Variants in PUM2 observed in about 807,000 individuals in gnomAD.
PUM2 encodes pumilio RNA binding family member 2, also known as pumilio homolog 2.
Under a neutral mutation model 124.5 loss-of-function variants are expected in PUM2, and 57 were observed. The ratio of observed to expected loss-of-function variants is 0.46; its 90% CI spans 0.37 to 0.57. The LOEUF (loss-of-function observed/expected upper bound fraction) is 0.57. Ranked by LOEUF, PUM2 falls within the 20% of genes least tolerant of loss-of-function variation. PUM2 has a pLI of 0.00. For synonymous variants in PUM2, 460 were observed against 446.1 expected (o/e 1.03, Z -0.39); for missense variants, 1,065 against 1,290.6 (o/e 0.83, Z 2.68).
intron 2 of PUM2, among the ~76,000 whole-genome samples, chr2:20,319,289 C>G (rs540263796): frequency 6.6e-6 from 1 of 152,196 alleles, no homozygotes; most frequent in Non-Finnish European, 1.5e-5. Context: ...TTGGACAATT[C>G]TTATTCTTTA....
chr2:20,293,586 T>A (rs1674758893), intron 9 of PUM2, among the ~76,000 whole-genome samples: 1 of 152,126 alleles, frequency 6.6e-6, no homozygotes, highest in Non-Finnish European at 1.5e-5. Flanking sequence ...GGTGCACACC[T>A]GTAATCCCAG....
chr2:20,288,089 T>C (rs1307111548), intron 10 of PUM2, among the ~76,000 whole-genome samples: 2 of 152,200 alleles, frequency 1.3e-5, no homozygotes, highest in Admixed American at 1.3e-4. Context: ...TCTCCACTTT[T>C]CCTATCTGAA....
intron 3 of PUM2, 116 bp downstream of exon 3, chr2:20,318,421 G>A (rs767058893): frequency 3.7e-5 from 31 of 837,224 alleles, no homozygotes; most frequent in Non-Finnish European, 4.6e-5. Context: ...GGGCAATAGC[G>A]CAAAACTATA....
chr2:20,274,975 G>A (rs200809134), intron 13 of PUM2, among the ~76,000 whole-genome samples: 1,332 of 8,394 alleles, frequency 0.16, 6 homozygotes, highest in Non-Finnish European at 0.22. Flanking sequence ...AAAAAAAAAA[G>A]ATGCTTACTT....
At chr2:20,313,113 A>T (rs533652071) in intron 3 of PUM2, among the ~76,000 whole-genome samples, 2 of 152,370 alleles carry the variant, frequency 1.3e-5, no homozygotes, top group East Asian at 3.9e-4. Context: ...TAAAAACCCT[A>T]GAAGGAAACC....
In PUM2 at chr2:20,251,121, C is replaced by T. The variant is rs1310725368; in HGVS notation, c.*464G>A. On this transcript the variant is annotated 3_prime_UTR_variant, in exon 21 of 21. Transcript: ENST00000361078. ...ATTGTTAATCTGTTATAAAAGGTTT[C>T]ACGCAAAGGAAAAAAATAAGGACTA... is the stretch of plus-strand genomic sequence containing the variant. 6.6e-6 allele frequency: 1 copy of T among 152,562 alleles called. No homozygotes were observed. The highest frequency in any genetic ancestry group is 1.9e-4 in the East Asian group (1 of 5,204). The allele number at this position is 152,562 out of a possible 1,614,324, so 9.5% of individuals were successfully genotyped here.
At chr2:20,347,301 T>C (rs1688428478) in intron 1 of PUM2, among the ~76,000 whole-genome samples, 1 of 152,220 alleles carries the variant, frequency 6.6e-6, no homozygotes, top group Admixed American at 6.5e-5. Flanking sequence ...AATAAAACTT[T>C]TAATATTTGT....
intron 1 of PUM2, among the ~76,000 whole-genome samples, chr2:20,341,681 G>A (rs1160682329): frequency 2.0e-5 from 3 of 152,258 alleles, no homozygotes; most frequent in South Asian, 4.1e-4. Context: ...AACTATCAAA[G>A]TACAAAAGTT....
intron 7 of PUM2, among the ~76,000 whole-genome samples, chr2:20,304,046 C>T (rs1334206247): frequency 6.6e-6 from 1 of 152,228 alleles, no homozygotes; most frequent in East Asian, 1.9e-4. Context: ...TTCTCTTGCA[C>T]TCACTTGTTC....
At chr2:20,313,052 CA>C (rs1680024713) in intron 3 of PUM2, among the ~76,000 whole-genome samples, 1 of 152,158 alleles carries the variant, frequency 6.6e-6, no homozygotes, top group African/African-American at 2.4e-5. Flanking sequence ...ATACCTTATA[CA>C]AAAATTAACT....
chr2:20,263,409 T>G lies in PUM2; in HGVS notation c.2009A>C (p.Glu670Ala), dbSNP rs765802518. 6.2e-7 allele frequency: 1 copy of G among 1,614,136 alleles called. No individual in the cohort carries two copies. Among genetic ancestry groups the G allele is most frequent in the Non-Finnish European group, 8.5e-7 (1 of 1,179,952 alleles). The change falls in exon 14 of 21, where the codon GAA (glutamate) becomes GCA (alanine). Residue 670 changes from glutamate to alanine, a missense_variant. Glu to Ala is a moderately radical substitution (Grantham distance 107). Transcript: ENST00000361078. ...GCTTGAAGCACTTCGATATTTTGCT[T>G]CTGCTCCAGGTGCTGCAGAGATATA... Reference protein sequence around the residue: ...GRYISAAPGAEAKYRSASSTS... With the variant: ...GRYISAAPGAAAKYRSASSTS...
rs35439873 is a variant in PUM2, at chr2:20,278,570, G to GTT, written c.1957+11_1957+12dup. On this transcript the variant is annotated intron_variant, in intron 13 of 20. Coordinates refer to ENST00000361078, the MANE Select transcript of PUM2 (RefSeq NM_015317.5). ...ATACATACAAATAAAAAGGGTTTTG[G>GTT]TTTTTTTTTTACCTAAATGCAAACT... 8.9e-6 allele frequency: 12 copies of GTT among 1,352,470 alleles called. No individual in the cohort carries two copies. Among genetic ancestry groups the GTT allele is most frequent in the Admixed American group, 5.8e-5 (3 of 51,936 alleles). The allele number at this position is 1,352,470 out of a possible 1,614,324, so 83.8% of individuals were successfully genotyped here.
In PUM2 at chr2:20,297,565, C is replaced by G. The variant is rs771620058; in HGVS notation, c.997G>C (p.Ala333Pro). ...AATAGTATGTTACCTGCTAATGTAG[C>G]TGCTGCAGCCAATCCTGCTGCAGTA... ...PYTAAGLAAAATLAGPAVVPP... is the reference protein window; with the variant it reads ...PYTAAGLAAAPTLAGPAVVPP... The change falls in exon 8 of 21, where the codon GCT becomes CCT. Residue 333 changes from alanine to proline, a missense_variant. Physicochemically the swap from Ala to Pro is conservative, Grantham distance 27. Transcript: ENST00000361078. 6.3e-7 allele frequency: 1 copy of G among 1,599,044 alleles called. No homozygotes were observed. The highest frequency in any genetic ancestry group is 2.2e-5 in the East Asian group (1 of 44,564).
intron 10 of PUM2, among the ~76,000 whole-genome samples, chr2:20,284,547 A>G (rs1182171118): frequency 6.6e-6 from 1 of 151,908 alleles, no homozygotes; most frequent in Non-Finnish European, 1.5e-5. Context: ...CTACAGAAAT[A>G]GGGCCTCACT....
intron 13 of PUM2, among the ~76,000 whole-genome samples, chr2:20,267,598 C>T (rs560055092): frequency 6.6e-6 from 1 of 152,316 alleles, no homozygotes; most frequent in South Asian, 2.1e-4. Context: ...GAGATAAGGT[C>T]TTTTCATTTC....
intron 10 of PUM2, among the ~76,000 whole-genome samples, chr2:20,286,939 GCTA>G (rs1048689159): frequency 5.3e-5 from 8 of 151,672 alleles, no homozygotes; most frequent in Admixed American, 1.3e-4. Flanking sequence ...TTATCTTTTT[GCTA>G]CTGAGAAAGT....
intron 1 of PUM2, among the ~76,000 whole-genome samples, chr2:20,332,282 A>AGAGTGTGTGT (rs1346037244): frequency 1.4e-5 from 2 of 145,372 alleles, no homozygotes; most frequent in African/African-American, 5.2e-5. Flanking sequence ...ATACTACTAG[A>AGAGTGTGTGT]GTGTGTGTGT....
chr2:20,317,446 C>T (rs994468550), intron 3 of PUM2, among the ~76,000 whole-genome samples: 2 of 152,100 alleles, frequency 1.3e-5, no homozygotes, highest in Admixed American at 1.3e-4. Context: ...GGCTGAGCTG[C>T]AATTAGATAA....
rs1362074023 is a variant in PUM2, at chr2:20,346,865, G to A, written c.-19+3732C>T. Among the ~76,000 whole-genome samples, 3 of 152,076 alleles carry A rather than the reference G, an allele frequency of 2.0e-5. No individual in the cohort carries two copies. In the East Asian group the frequency reaches 5.8e-4, roughly 29 times the overall value. On this transcript the variant is annotated intron_variant, in intron 1 of 20. Coordinates refer to ENST00000361078, the MANE Select transcript of PUM2 (RefSeq NM_015317.5). ...GTCCCTTCCAGGAAACATTTTAGGGGGCTTCTGTGGTCCCAACATATTTAG... is the reference window on the plus strand; with the variant it reads ...GTCCCTTCCAGGAAACATTTTAGGGAGCTTCTGTGGTCCCAACATATTTAG...
Sources: allele counts gnomAD v4.1 joint callset (sites outside exome capture counted in the v4.1 genomes callset), GRCh38; gene constraint gnomAD v4.1.1; transcripts MANE v1.5; gene names NCBI Gene and HGNC (gene_info 2026-07-23, HGNC 2026-07-21).